The following DPP10 variants were observed in gnomAD, a reference collection of about 807,000 sequenced individuals.
DPP10 encodes dipeptidyl peptidase like 10.
A neutral mutation model predicts 120.9 loss-of-function variants in DPP10; 33 were observed. The ratio of observed to expected loss-of-function variants is 0.27; its 90% confidence interval spans 0.21 to 0.37. DPP10 has a LOEUF of 0.37. Among genes scored for constraint, DPP10 ranks in the 10% least tolerant of loss-of-function variants. The probability of loss-of-function intolerance (pLI) is 1.00; values close to 1 mark genes in which losing one functional copy is unlikely to be tolerated. For missense variants in DPP10, 816 were observed against 942.8 expected (o/e 0.87, Z 1.76); for synonymous variants, 337 against 326.1 (o/e 1.03, Z -0.36).
intron 3 of DPP10, among the ~76,000 whole-genome samples, chr2:115,426,115 T>C (rs1450987451): frequency 3.6e-5 from 3 of 84,226 alleles, no homozygotes; most frequent in African/African-American, 1.5e-4. Context: ...CATTTCAACA[T>C]GAGATTCTCA....
At chr2:114,938,182 A>G (rs1363179918) in intron 1 of DPP10, among the ~76,000 whole-genome samples, 1 of 152,168 alleles carries the variant, frequency 6.6e-6, no homozygotes, top group Non-Finnish European at 1.5e-5. Context: ...TTGTAACAAA[A>G]TTGGTTTTAT....
intron 5 of DPP10, among the ~76,000 whole-genome samples, chr2:115,599,884 G>A (rs1278585857): frequency 6.6e-6 from 1 of 152,122 alleles, no homozygotes; most frequent in South Asian, 2.1e-4. Flanking sequence ...GTTGTAAGTT[G>A]CTTTAATTTT....
intron 1 of DPP10, among the ~76,000 whole-genome samples, chr2:114,846,759 G>C (rs1204781482): frequency 6.6e-6 from 1 of 152,066 alleles, no homozygotes; most frequent in Non-Finnish European, 1.5e-5. Context: ...TCATAGAAAA[G>C]TGAAGGAGAT....
chr2:115,361,605 C>T (rs1028898631), intron 3 of DPP10, among the ~76,000 whole-genome samples: 17 of 152,080 alleles, frequency 1.1e-4, no homozygotes, highest in Non-Finnish European at 2.1e-4. Flanking sequence ...GTTCCCCTGC[C>T]GATTCAAATG....
In DPP10 at chr2:115,836,144, T is replaced by C. The variant is rs778322129; in HGVS notation, c.1951-13T>C. ...GATATATATATATATATATATATATTTTTCCCCCCCAGGGTTATGGTGGCT... is the reference window on the plus strand; with the variant it reads ...GATATATATATATATATATATATATCTTTCCCCCCCAGGGTTATGGTGGCT... On this transcript the variant is annotated splice_polypyrimidine_tract_variant and intron_variant, in intron 21 of 25. Coordinates refer to ENST00000410059, the MANE Select transcript of DPP10 (RefSeq NM_020868.6). 1.5e-6 allele frequency: 2 copies of C among 1,366,676 alleles called. No homozygotes were observed. The highest frequency in any genetic ancestry group is 9.9e-7 in the Non-Finnish European group (1 of 1,014,750). 84.7% of individuals were successfully genotyped at this position (1,366,676 alleles called of 1,614,324 possible).
intron 1 of DPP10, among the ~76,000 whole-genome samples, chr2:115,178,769 A>G (rs1270750459): frequency 3.3e-5 from 5 of 152,214 alleles, no homozygotes; most frequent in Non-Finnish European, 5.9e-5. Context: ...ATGTATGTAT[A>G]TATACATTTA....
At chr2:115,792,430 A>T (rs1420262598) in intron 19 of DPP10, among the ~76,000 whole-genome samples, 2 of 152,096 alleles carry the variant, frequency 1.3e-5, no homozygotes, top group Non-Finnish European at 2.9e-5. Context: ...TTATTTTAAC[A>T]AACCACATAA....
chr2:115,050,556 C>T (rs755206719), intron 1 of DPP10, among the ~76,000 whole-genome samples: 6 of 148,358 alleles, frequency 4.0e-5, no homozygotes, highest in Non-Finnish European at 9.0e-5. Context: ...AAAGTTGGGG[C>T]AAAAAAAAAT....
chr2:114,724,014 G>A (rs965826892), intron 1 of DPP10, among the ~76,000 whole-genome samples: 2 of 152,120 alleles, frequency 1.3e-5, no homozygotes, highest in Admixed American at 1.3e-4. Context: ...CATGAGACAC[G>A]AGGAAAAGAA....
chr2:114,835,969 T>G (rs1687702026), intron 1 of DPP10, among the ~76,000 whole-genome samples: 1 of 152,178 alleles, frequency 6.6e-6, no homozygotes, highest in Non-Finnish European at 1.5e-5. Flanking sequence ...TTTTGCCCTT[T>G]ATCCTCTTCC....
rs568649298 is a variant in DPP10 at position 114,690,282 on chromosome 2, G to A, written c.60+247444G>A. Among the ~76,000 whole-genome samples, 7 of 152,118 alleles carry A rather than the reference G, an allele frequency of 4.6e-5. No homozygotes were observed. The South Asian group carries it at 1.5e-3, about 32-fold the overall frequency. On this transcript the variant is annotated intron_variant, in intron 1 of 25. Transcript: ENST00000410059. Reference sequence around the variant, plus strand: ...GTATTCTGTGTAAGGAACTGGTTTAGTTTCAGTTTTCTGCATATCGCTAGC... The same window carrying A: ...GTATTCTGTGTAAGGAACTGGTTTAATTTCAGTTTTCTGCATATCGCTAGC...
At chr2:114,896,305 A>G (rs919529327) in intron 1 of DPP10, among the ~76,000 whole-genome samples, 6 of 152,184 alleles carry the variant, frequency 3.9e-5, no homozygotes, top group Non-Finnish European at 8.8e-5. Context: ...ATGGCATTGA[A>G]TCTATAAATT....
chr2:115,464,437 AAC>A (rs1252332293), intron 3 of DPP10, among the ~76,000 whole-genome samples: 2 of 151,990 alleles, frequency 1.3e-5, no homozygotes, highest in Non-Finnish European at 2.9e-5. Flanking sequence ...AAAACAAACA[AAC>A]AAAAAAAACA....
chr2:115,766,316 A>G (rs1229876817), intron 12 of DPP10, among the ~76,000 whole-genome samples: 34,334 of 71,148 alleles, frequency 0.48, 8,379 homozygotes, highest in East Asian at 0.67. Flanking sequence ...GTGTGTATAT[A>G]TATATATATG....
chr2:114,897,792 A>T (rs999937075), intron 1 of DPP10, among the ~76,000 whole-genome samples: 2 of 152,204 alleles, frequency 1.3e-5, no homozygotes, highest in African/African-American at 2.4e-5. Flanking sequence ...TCAAAACCAC[A>T]ATGAGATATC....
chr2:114,880,139 C>A (rs1691489341), intron 1 of DPP10, among the ~76,000 whole-genome samples: 1 of 152,144 alleles, frequency 6.6e-6, no homozygotes, highest in Non-Finnish European at 1.5e-5. Flanking sequence ...AAATTTGATT[C>A]TTTTCAAACA....
intron 1 of DPP10, among the ~76,000 whole-genome samples, chr2:115,259,690 T>G (rs67201082): frequency 0.21 from 31,488 of 152,006 alleles, 3,663 homozygotes; most frequent in East Asian, 0.36. Context: ...ATTGCTGCCC[T>G]ATGTACCTAG....
intron 1 of DPP10, among the ~76,000 whole-genome samples, chr2:114,445,761 C>A (rs556710757): frequency 6.6e-6 from 1 of 152,136 alleles, no homozygotes; most frequent in South Asian, 2.1e-4. Context: ...TTGCTTTGGT[C>A]GTTCTGGCCA....
intron 1 of DPP10, among the ~76,000 whole-genome samples, chr2:114,731,998 A>G (rs1485678237): frequency 6.6e-6 from 1 of 152,188 alleles, no homozygotes; most frequent in Non-Finnish European, 1.5e-5. Flanking sequence ...GTGATTTTAT[A>G]GGGAAGATAT....
Sources: gnomAD v4.1 joint callset for allele counts (sites outside exome capture counted in the v4.1 genomes callset) on GRCh38, gnomAD v4.1.1 for gene constraint, MANE v1.5 for transcripts, NCBI Gene and HGNC (gene_info 2026-07-23, HGNC 2026-07-21) for gene names.